The following RRP36 variants were observed in gnomAD, a reference collection of about 807,000 sequenced individuals.
The protein encoded by RRP36 is ribosomal RNA processing 36, also known as ribosomal RNA processing protein 36 homolog.
Under a neutral mutation model 39.8 loss-of-function variants are expected in RRP36, and 44 were observed. The observed-to-expected ratio is 1.10, with a 90% CI of 0.87 to 1.42. RRP36 has a LOEUF of 1.42. RRP36 is among the 40% of genes most tolerant of loss of function. The probability of loss-of-function intolerance (pLI) is 0.00; values close to 1 mark genes in which losing one functional copy is unlikely to be tolerated. For missense variants in RRP36, 316 were observed against 322.4 expected, an observed-to-expected ratio of 0.98 and a Z score of 0.15; for synonymous variants, 124 against 123.1, an observed-to-expected ratio of 1.01 and a Z score of -0.05.
rs746688436 is a variant in RRP36, at chr6:43,021,689, CCGGGGCCGGGGCCCGACGTCCCCG to C, written c.43_66del (p.Gly15_Ala22del). 17 of 1,238,932 alleles carry C rather than the reference CCGGGGCCGGGGCCCGACGTCCCCG, an allele frequency of 1.4e-5. No individual in the cohort carries two copies. The highest frequency in any genetic ancestry group is 1.2e-4 in the Admixed American group (3 of 24,148). The allele number at this position is 1,238,932 out of a possible 1,614,324, so 76.7% of individuals were successfully genotyped here. A position where few individuals can be genotyped will look rare whatever the true frequency, so the allele number is the denominator to read the frequency against. Reference sequence around the variant, plus strand: ...GCTAACTACCGCGCCGGGGCCGGGGCCGGGGCCGGGGCCCGACGTCCCCGCGGGGCCCGGGACCGCGAGGAGGAC... The same window carrying C: ...GCTAACTACCGCGCCGGGGCCGGGGCCGGGGCCCGGGACCGCGAGGAGGAC... On this transcript the variant is annotated inframe_deletion, in exon 1 of 7. Transcript: ENST00000244496.
In RRP36 at chr6:43,026,023, TC is replaced by T. The variant is rs764000777; in HGVS notation, c.346-13del. On this transcript the variant is annotated splice_polypyrimidine_tract_variant and intron_variant, in intron 3 of 6. Coordinates refer to ENST00000244496, the MANE Select transcript of RRP36 (RefSeq NM_033112.4). ...GAACAGTTGTGTTTTATATTCTCTC[TC>T]TTCTCTCCAAAGGTAGCCCGGGACC... 8.2e-6 allele frequency: 13 copies of T among 1,586,360 alleles called. No homozygotes were observed. In the African/African-American group the frequency reaches 1.7e-4, roughly 21 times the overall value.
rs1581882440 is a variant in RRP36 at position 43,021,800 on chromosome 6, A to G, written c.130+16A>G. On this transcript the variant is annotated intron_variant, in intron 1 of 6. Coordinates refer to ENST00000244496, the MANE Select transcript of RRP36 (RefSeq NM_033112.4). ...CTATTGAGGGGTGAGGGCATGGGGCAGGGCGGGCTGGGGAGGGGAAGGAGA... is the reference window on the plus strand; with the variant it reads ...CTATTGAGGGGTGAGGGCATGGGGCGGGGCGGGCTGGGGAGGGGAAGGAGA... The G allele has an allele frequency of 3.8e-6, 1 of 261,106 alleles. No homozygotes were observed. The highest frequency in any genetic ancestry group is 6.2e-6 in the Non-Finnish European group (1 of 162,448). The allele number at this position is 261,106 out of a possible 1,614,324, so 16.2% of individuals were successfully genotyped here.
At chr6:43,023,119 C>T (rs984474093) in intron 1 of RRP36, among the ~76,000 whole-genome samples, 4 of 150,166 alleles carry the variant, frequency 2.7e-5, no homozygotes, top group African/African-American at 9.8e-5. Flanking sequence ...CTATCCTGGC[C>T]GGGTGTGGTG....
At position 43,027,479 on chromosome 6, in the gene RRP36, T is replaced by G; in HGVS notation, c.643+2T>G. The G allele has an allele frequency of 1.2e-6, 2 of 1,612,132 alleles. No individual in the cohort carries two copies. Among genetic ancestry groups the G allele is most frequent in the Non-Finnish European group, 1.7e-6 (2 of 1,178,738 alleles). ...ATCGGCCATACTTCCTGAAAAAATG[T>G]GAGTTGGGCACAACTGTTGCTAACA... is the stretch of plus-strand genomic sequence containing the variant. On this transcript the variant is annotated splice_donor_variant, in intron 6 of 6. Transcript: ENST00000244496. LOFTEE classifies it high-confidence loss of function.
intron 1 of RRP36, 25 bp downstream of exon 1, chr6:43,021,809 T>C: frequency 1.0e-5 from 3 of 295,996 alleles, no homozygotes; most frequent in Non-Finnish European, 1.5e-5. Context: ...CAGGGCGGGC[T>C]GGGGAGGGGA....
At chr6:43,024,391 G>C (rs1762775152) in intron 1 of RRP36, among the ~76,000 whole-genome samples, 1 of 152,150 alleles carries the variant, frequency 6.6e-6, no homozygotes, top group African/African-American at 2.4e-5. Context: ...GGTCACTTGG[G>C]GGCTTGCAGG....
chr6:43,024,645 T>C (rs534527954), intron 1 of RRP36, among the ~76,000 whole-genome samples: 126 of 152,260 alleles, frequency 8.3e-4, no homozygotes, highest in African/African-American at 2.7e-3. Context: ...ACCAGGACAC[T>C]GGCAATGGTA....
intron 1 of RRP36, 149 bp from the exon 2 acceptor site, chr6:43,024,836 C>A: frequency 1.0e-6 from 1 of 955,370 alleles, no homozygotes; most frequent in Non-Finnish European, 1.5e-6. Context: ...GAGTTTAACA[C>A]TATCACAGCC....
intron 4 of RRP36, 95 bp from the exon 5 acceptor site, chr6:43,027,083 T>C (rs577098737): frequency 1.9e-6 from 2 of 1,038,788 alleles, no homozygotes; most frequent in South Asian, 2.7e-5. Context: ...TGTGTGTGTG[T>C]GTATGTGTGT....
chr6:43,027,365 G>T lies in RRP36; in HGVS notation c.531G>T (p.Gln177His). Residue 177 changes from glutamine to histidine, a missense_variant, in exon 6 of 7, where the codon CAG becomes CAT. Gln to His is a conservative substitution (Grantham distance 24). Coordinates refer to ENST00000244496, the MANE Select transcript of RRP36 (RefSeq NM_033112.4). ...ATCTCATCTTTGCTCCTCAGGAGCA[G>T]CAAGAAATGGCACAGCAGGAACGAA... ...KLQQLLQRMEQQEMAQQERKQ... is the reference protein window; with the variant it reads ...KLQQLLQRMEHQEMAQQERKQ... 1 of 1,614,170 alleles carries T rather than the reference G, an allele frequency of 6.2e-7. No individual in the cohort carries two copies. Among genetic ancestry groups the T allele is most frequent in the Non-Finnish European group, 8.5e-7 (1 of 1,180,004 alleles).
rs1216822993 is a variant in RRP36 at position 43,021,749 on chromosome 6, TGGAGCCCGCGGCC to T, written c.97_109del (p.Glu33TrpfsTer6). The T allele has an allele frequency of 9.2e-7, 1 of 1,089,466 alleles. No homozygotes were observed. The highest frequency in any genetic ancestry group is 5.1e-5 in the Admixed American group (1 of 19,642). 67.5% of individuals were successfully genotyped at this position (1,089,466 alleles called of 1,614,324 possible). ...GACCGCGAGGAGGACGGCGGGGGCC[TGGAGCCCGCGGCC>T]GTGGCCCGCGACCTATTGAGGGGTG... On this transcript the variant is annotated frameshift_variant, in exon 1 of 7. Transcript: ENST00000244496. LOFTEE classifies it high-confidence loss of function.
At chr6:43,025,358 C>T (rs1762794158) in intron 3 of RRP36, 29 bp downstream of exon 3, 3 of 1,607,804 alleles carry the variant, frequency 1.9e-6, no homozygotes, top group Non-Finnish European at 1.7e-6. Context: ...CACTGTGGCT[C>T]ACGCCTGTAA....
Position 43,027,353 on chromosome 6 carries a change from T to C in RRP36, c.526-7T>C. On this transcript the variant is annotated splice_polypyrimidine_tract_variant and splice_region_variant and intron_variant, in intron 5 of 6. Coordinates refer to ENST00000244496, the MANE Select transcript of RRP36 (RefSeq NM_033112.4). ...TCCCGTTCACCCATCTCATCTTTGC[T>C]CCTCAGGAGCAGCAAGAAATGGCAC... The C allele has an allele frequency of 6.2e-7, 1 of 1,614,008 alleles. No homozygotes were observed. Among genetic ancestry groups the C allele is most frequent in the Non-Finnish European group, 8.5e-7 (1 of 1,179,942 alleles).
At position 43,026,092 on chromosome 6, in the gene RRP36, T is replaced by C. The variant is rs759672264; in HGVS notation, c.401T>C (p.Phe134Ser). ...DLSGEYNPEV[F>S]DKTYQFLNDI... ...TCAGGGGAATATAATCCTGAGGTGT[T>C]TGACAAAACATACCAATTCTTGAAT... is the stretch of plus-strand genomic sequence containing the variant. Residue 134 changes from phenylalanine (F) to serine (S), a missense_variant, in exon 4 of 7, where the codon TTT becomes TCT. Phe to Ser is a radical substitution (Grantham distance 155). Coordinates refer to ENST00000244496, the MANE Select transcript of RRP36 (RefSeq NM_033112.4). 5.0e-6 allele frequency: 8 copies of C among 1,613,854 alleles called. No individual in the cohort carries two copies. The South Asian group carries it at 6.6e-5, about 13-fold the overall frequency.
intron 4 of RRP36, 101 bp from the exon 5 acceptor site, chr6:43,027,077 T>C (rs975589098): frequency 6.5e-5 from 63 of 965,222 alleles, no homozygotes; most frequent in South Asian, 1.6e-4. Flanking sequence ...AAAAAATGTG[T>C]GTGTGTGTAT....
chr6:43,028,283 T>C (rs1333994124), intron 6 of RRP36, among the ~76,000 whole-genome samples: 6 of 151,674 alleles, frequency 4.0e-5, no homozygotes, highest in East Asian at 1.9e-4. Context: ...AAAGCCTAGA[T>C]TGCACTGTTG....
intron 3 of RRP36, 43 bp downstream of exon 3, chr6:43,025,372 C>CAA: frequency 6.3e-7 from 1 of 1,593,224 alleles, no homozygotes; most frequent in Non-Finnish European, 8.6e-7. Context: ...CCTGTAATCC[C>CAA]AGCACTTTGG....
At position 43,029,296 on chromosome 6, in the gene RRP36, C is replaced by G. The variant is rs916822556; in HGVS notation, c.*68C>G. On this transcript the variant is annotated 3_prime_UTR_variant, in exon 7 of 7. Transcript: ENST00000244496. ...GGATCTGTGAGGACAGATTTGGCCA[C>G]GGCTGGTTTCCGTTCAAGGGCAAGG... 1 of 1,577,964 alleles carries G rather than the reference C, an allele frequency of 6.3e-7. No individual in the cohort carries two copies. Among genetic ancestry groups the G allele is most frequent in the Non-Finnish European group, 8.7e-7 (1 of 1,154,932 alleles).
Position 43,027,331 on chromosome 6 carries a change from C to T in RRP36, c.526-29C>T, listed in dbSNP as rs1561863721. The T allele has an allele frequency of 8.1e-6, 13 of 1,610,774 alleles. No individual in the cohort carries two copies. In the East Asian group the frequency reaches 1.6e-4, roughly 19 times the overall value. On this transcript the variant is annotated intron_variant, in intron 5 of 6. Transcript: ENST00000244496. Reference sequence around the variant, plus strand: ...TTCACAGATCTGAACAGATCCCTCCCGTTCACCCATCTCATCTTTGCTCCT... The same window carrying T: ...TTCACAGATCTGAACAGATCCCTCCTGTTCACCCATCTCATCTTTGCTCCT...
Sources: allele counts gnomAD v4.1 joint callset (sites outside exome capture counted in the v4.1 genomes callset), GRCh38; gene constraint gnomAD v4.1.1; transcripts MANE v1.5; gene names NCBI Gene and HGNC (gene_info 2026-07-23, HGNC 2026-07-21).